Variants in PITX1 observed in about 807,000 individuals in gnomAD.
PITX1 encodes pituitary homeobox 1.
PITX1 carries 5 observed loss-of-function variants against 24.1 expected under a neutral mutation model. That is an observed-to-expected ratio of 0.21 (90% CI 0.11 to 0.44). The LOEUF (loss-of-function observed/expected upper bound fraction) is 0.44, where lower values mean the gene tolerates loss of function less well. Ranked by LOEUF, PITX1 falls within the 20% of genes least tolerant of loss-of-function variation. The pLI is 0.99. For missense variants in PITX1, 401 were observed against 455.4 expected (o/e 0.88, Z 1.09); for synonymous variants, 213 against 208.9 (o/e 1.02, Z -0.17).
At position 135,029,118 on chromosome 5, in the gene PITX1, G is replaced by C; in HGVS notation, c.606C>G (p.Phe202Leu). 6.2e-7 allele frequency: 1 copy of C among 1,614,248 alleles called. No homozygotes were observed. Among genetic ancestry groups the C allele is most frequent in the South Asian group, 1.1e-5 (1 of 91,092 alleles). The change falls in exon 3 of 3, where the codon TTC (phenylalanine) becomes TTG (leucine). Residue 202 changes from phenylalanine (F) to leucine (L), a missense_variant. Transcript: ENST00000265340. ...GCGACGACAGCGGGCTCATGGAGTT[G>C]AAGAAGGTGAAGCTCTTGGTGGAGA... The part of the protein sequence containing the change: ...APLSTKSFTF[F>L]NSMSPLSSQS...
At position 135,028,735 on chromosome 5, in the gene PITX1, C is replaced by A. The variant is rs1457960031; in HGVS notation, c.*44G>T. On this transcript the variant is annotated 3_prime_UTR_variant, in exon 3 of 3. Coordinates refer to ENST00000265340, the MANE Select transcript of PITX1 (RefSeq NM_002653.5). ...GCGTCCTCCGCGCCCGCGCCCGCGC[C>A]CTTCCCCGCTCCGGCCGCCGGCCCG... 7.1e-7 allele frequency: 1 copy of A among 1,406,264 alleles called. No individual in the cohort carries two copies. The highest frequency in any genetic ancestry group is 2.7e-5 in the East Asian group (1 of 36,470). The allele number at this position is 1,406,264 out of a possible 1,614,324, so 87.1% of individuals were successfully genotyped here. A position where few individuals can be genotyped will look rare whatever the true frequency, so the allele number is the denominator to read the frequency against.
Position 135,029,177 on chromosome 5 carries a change from T to C in PITX1, c.547A>G (p.Asn183Asp). ...DVYAAGYSYN[N>D]WAAKSLAPAP... ...GGCGCCAGGCTCTTGGCGGCCCAGT[T>C]GTTGTAGGAGTAGCCGGCGGCGTAC... Residue 183 changes from asparagine (N) to aspartate (D), a missense_variant, in exon 3 of 3, where the codon AAC (asparagine) becomes GAC (aspartate). Physicochemically the swap from Asn to Asp is conservative, Grantham distance 23 (BLOSUM62 1). Around this residue, in one of 3 missense-constraint regions of PITX1, gnomAD observed 217 missense variants for 219.8 expected, o/e 0.99. Coordinates refer to ENST00000265340, the MANE Select transcript of PITX1 (RefSeq NM_002653.5). 6.2e-7 allele frequency: 1 copy of C among 1,614,124 alleles called. No individual in the cohort carries two copies. The highest frequency in any genetic ancestry group is 8.5e-7 in the Non-Finnish European group (1 of 1,179,968).
In PITX1 at chr5:135,033,551, G is replaced by A; in HGVS notation, c.169+162C>T. 6.8e-6 allele frequency: 5 copies of A among 734,560 alleles called. No individual in the cohort carries two copies. The highest frequency in any genetic ancestry group is 2.2e-6 in the Non-Finnish European group (1 of 456,242). The allele number at this position is 734,560 out of a possible 1,614,324, so 45.5% of individuals were successfully genotyped here. A position where few individuals can be genotyped will look rare whatever the true frequency, so the allele number is the denominator to read the frequency against. On this transcript the variant is annotated intron_variant, in intron 1 of 2. Coordinates refer to ENST00000265340, the MANE Select transcript of PITX1 (RefSeq NM_002653.5). This position sits in a 1 kb window ranked among gnomAD's most constrained non-coding sequence, Gnocchi z 5.9. ...TGCCTTCGCGTGTGCGTAAGTTTCC[G>A]CGTTCACCGTCAGGTCGAGAACGGG...
chr5:135,031,541 G>A, intron 1 of PITX1, 33 bp from the exon 2 acceptor site: 1 of 1,556,872 alleles, frequency 6.4e-7, no homozygotes, highest in Non-Finnish European at 8.8e-7. Context: ...CGGGTCACCT[G>A]GGCTTACGCC....
At chr5:135,031,698 G>T (rs1046189851) in intron 1 of PITX1, 190 bp from the exon 2 acceptor site, 31 of 603,176 alleles carry the variant, frequency 5.1e-5, no homozygotes, top group Admixed American at 8.9e-5. Context: ...CTCTAGTCTG[G>T]TGTGCCGCGG....
chr5:135,028,517 T>C lies in PITX1; in HGVS notation c.*262A>G, dbSNP rs1400289084. On this transcript the variant is annotated 3_prime_UTR_variant, in exon 3 of 3. Coordinates refer to ENST00000265340, the MANE Select transcript of PITX1 (RefSeq NM_002653.5). ...CGAGAGAAATTGCAACTCATCCATT[T>C]TTTCGCGGCACTTTTCTCCGACGTC... is the stretch of plus-strand genomic sequence containing the variant. 1 of 163,740 alleles carries C rather than the reference T, an allele frequency of 6.1e-6. No individual in the cohort carries two copies. The highest frequency in any genetic ancestry group is 1.3e-5 in the Non-Finnish European group (1 of 76,226). The allele number at this position is 163,740 out of a possible 1,614,324, so 10.1% of individuals were successfully genotyped here.
chr5:135,032,751 GAAAAC>G, intron 1 of PITX1: 1 of 229,078 alleles, frequency 4.4e-6, no homozygotes, highest in Non-Finnish European at 9.0e-6. Context: ...TAAAACTTTT[GAAAAC>G]AAAAGTAGAG....
rs1191387256 is a variant in PITX1, at chr5:135,033,072, CG to C, written c.169+640del. ...GGAGGGAGACGCGCAGGAGCCGGGG[CG>C]GGGGCCAGAGCCGGGCTGCTCCGGG... On this transcript the variant is annotated intron_variant, in intron 1 of 2. Transcript: ENST00000265340. The surrounding 1 kb of genome is among the most constrained non-coding windows in gnomAD (Gnocchi z 5.9). 1.6e-5 allele frequency: 7 copies of C among 443,000 alleles called. No individual in the cohort carries two copies. The highest frequency in any genetic ancestry group is 2.7e-5 in the Non-Finnish European group (6 of 221,070). The allele number at this position is 443,000 out of a possible 1,614,324, so 27.4% of individuals were successfully genotyped here.
intron 1 of PITX1, among the ~76,000 whole-genome samples, chr5:135,032,574 G>C (rs1344714681): frequency 4.0e-5 from 6 of 151,644 alleles, no homozygotes; most frequent in Admixed American, 3.3e-4. Context: ...GAATAATGTT[G>C]CATGTAGATA....
rs1561470965 is a variant in PITX1 at position 135,029,430 on chromosome 5, G to A, written c.403-109C>T. Reference sequence around the variant, plus strand: ...GTCGGCCCGCTGCCCTCCGAACGTCGTTTCTCTCCTTCGACCGATATTTCC... The same window carrying A: ...GTCGGCCCGCTGCCCTCCGAACGTCATTTCTCTCCTTCGACCGATATTTCC... On this transcript the variant is annotated intron_variant, in intron 2 of 2. Transcript: ENST00000265340. 3.5e-6 allele frequency: 3 copies of A among 851,252 alleles called. No homozygotes were observed. The South Asian group carries it at 5.1e-5, about 14-fold the overall frequency. 52.7% of individuals were successfully genotyped at this position (851,252 alleles called of 1,614,324 possible).
In PITX1 at chr5:135,033,837, C is replaced by T. The variant is rs1173293322; in HGVS notation, c.45G>A (p.Glu15=). 2 of 1,516,754 alleles carry T rather than the reference C, an allele frequency of 1.3e-6. No homozygotes were observed. The highest frequency in any genetic ancestry group is 1.8e-6 in the Non-Finnish European group (2 of 1,141,238). The allele number at this position is 1,516,754 out of a possible 1,614,324, so 94.0% of individuals were successfully genotyped here. The change falls in exon 1 of 3, where the codon GAG becomes GAA. Residue 15 remains glutamate, a synonymous_variant. Transcript: ENST00000265340. The surrounding 1 kb of genome is among the most constrained non-coding windows in gnomAD (Gnocchi z 5.9). ...KGGMSLERLP[E]GLRPPPPPPH... is the part of the protein sequence containing the mutation. ...GTGGCGGCGGCGGCGGCCGGAGCCCCTCCGGCAGCCGCTCCAGGCTCATGC... is the reference window on the plus strand; with the variant it reads ...GTGGCGGCGGCGGCGGCCGGAGCCCTTCCGGCAGCCGCTCCAGGCTCATGC...
In PITX1 at chr5:135,029,321, C is replaced by A; in HGVS notation, c.403G>T (p.Val135Phe). The A allele has an allele frequency of 6.3e-7, 1 of 1,588,778 alleles. No individual in the cohort carries two copies. Among genetic ancestry groups the A allele is most frequent in the Non-Finnish European group, 8.6e-7 (1 of 1,166,660 alleles). The change falls in exon 3 of 3, where the codon GTC (valine) becomes TTC (phenylalanine). Residue 135 changes from valine (V) to phenylalanine (F), a missense_variant and splice_region_variant. By Grantham distance (50) the Val-to-Phe change is conservative. Coordinates refer to ENST00000265340, the MANE Select transcript of PITX1 (RefSeq NM_002653.5). ...TTGGCTCGCCGGTTCTTGAACCAGA[C>A]CTGGGGGAGGGGACGGGAGAAGGGT... ...WTNLTEPRVR[V>F]WFKNRRAKWR...
In PITX1 at chr5:135,029,317, C is replaced by A; in HGVS notation, c.407G>T (p.Trp136Leu). 6.3e-7 allele frequency: 1 copy of A among 1,592,358 alleles called. No homozygotes were observed. ...CCACTTGGCTCGCCGGTTCTTGAAC[C>A]AGACCTGGGGGAGGGGACGGGAGAA... ...TNLTEPRVRVWFKNRRAKWRK... is the reference protein window; with the variant it reads ...TNLTEPRVRVLFKNRRAKWRK... Residue 136 changes from tryptophan to leucine, a missense_variant, in exon 3 of 3, where the codon TGG becomes TTG. By Grantham distance (61) the Trp-to-Leu change is moderately conservative. This residue lies in a region of PITX1 where 48 missense variants were observed against 102.2 expected (regional missense o/e 0.47). Transcript: ENST00000265340.
rs1329323528 is a variant in PITX1 at position 135,027,933 on chromosome 5, A to C, written c.*846T>G. The C allele has an allele frequency of 6.6e-6, 1 of 152,488 alleles. No homozygotes were observed. Among genetic ancestry groups the C allele is most frequent in the Non-Finnish European group, 1.5e-5 (1 of 68,042 alleles). The allele number at this position is 152,488 out of a possible 1,614,324, so 9.4% of individuals were successfully genotyped here. On this transcript the variant is annotated 3_prime_UTR_variant, in exon 3 of 3. Transcript: ENST00000265340. ...CTCGACTCTTGCACGGCGGGCGGTG[A>C]GGAGGGGGCTGTTCGCCCAGACAGA...
At position 135,029,100 on chromosome 5, in the gene PITX1, C is replaced by A; in HGVS notation, c.624G>T (p.Leu208=). ...SFTFFNSMSP[L]SSQSMFSAPS... The stretch of plus-strand genomic sequence containing the variant: ...GTGCTGAGAACATGGACTGCGACGA[C>A]AGCGGGCTCATGGAGTTGAAGAAGG... The change falls in exon 3 of 3, where the codon CTG becomes CTT. Residue 208 remains leucine (L), a synonymous_variant. Transcript: ENST00000265340. The A allele has an allele frequency of 6.2e-7, 1 of 1,614,256 alleles. No homozygotes were observed. Among genetic ancestry groups the A allele is most frequent in the Non-Finnish European group, 8.5e-7 (1 of 1,180,046 alleles).
intron 1 of PITX1, 55 bp from the exon 2 acceptor site, chr5:135,031,563 C>G: frequency 7.0e-7 from 1 of 1,434,856 alleles, no homozygotes; most frequent in South Asian, 1.2e-5. Context: ...CGTTGCACCC[C>G]GTCCCGGCTC....
intron 2 of PITX1, 31 bp downstream of exon 2, chr5:135,031,245 G>T (rs1438583645): frequency 1.3e-6 from 2 of 1,581,996 alleles, no homozygotes; most frequent in Non-Finnish European, 8.7e-7. Flanking sequence ...CCCTCTGCGC[G>T]GGTGCCCTTA....
Position 135,028,841 on chromosome 5 carries a change from A to G in PITX1, c.883T>C (p.Phe295Leu), listed in dbSNP as rs765166800. 1.2e-6 allele frequency: 2 copies of G among 1,613,336 alleles called. No individual in the cohort carries two copies. Among genetic ancestry groups the G allele is most frequent in the African/African-American group, 1.3e-5 (1 of 74,892 alleles). Residue 295 changes from phenylalanine (F) to leucine (L), a missense_variant, in exon 3 of 3, where the codon TTT becomes CTT. Physicochemically the swap from Phe to Leu is conservative, Grantham distance 22. Around this residue, in one of 3 missense-constraint regions of PITX1, gnomAD observed 217 missense variants for 219.8 expected, o/e 0.99. Coordinates refer to ENST00000265340, the MANE Select transcript of PITX1 (RefSeq NM_002653.5). Reference sequence around the variant, plus strand: ...GGGCCCTGCAGGCCGCCGTAGCCAAACGACGAGTGCTGTTTGGACTTGAGC... The same window carrying G: ...GGGCCCTGCAGGCCGCCGTAGCCAAGCGACGAGTGCTGTTTGGACTTGAGC... ...LRLKSKQHSS[F>L]GYGGLQGPAS...
chr5:135,033,053 A>G lies in PITX1; in HGVS notation c.169+660T>C. On this transcript the variant is annotated intron_variant, in intron 1 of 2. Coordinates refer to ENST00000265340, the MANE Select transcript of PITX1 (RefSeq NM_002653.5). This position sits in a 1 kb window ranked among gnomAD's most constrained non-coding sequence, Gnocchi z 5.9. Reference sequence around the variant, plus strand: ...GGACAAAAAAAGGCAGCGCGGAGGGAGACGCGCAGGAGCCGGGGCGGGGGC... The same window carrying G: ...GGACAAAAAAAGGCAGCGCGGAGGGGGACGCGCAGGAGCCGGGGCGGGGGC... The G allele has an allele frequency of 2.2e-6, 1 of 445,992 alleles. No homozygotes were observed. Among genetic ancestry groups the G allele is most frequent in the Non-Finnish European group, 4.5e-6 (1 of 222,292 alleles). 27.6% of individuals were successfully genotyped at this position (445,992 alleles called of 1,614,324 possible).
Sources: gnomAD v4.1 joint callset for allele counts (sites outside exome capture counted in the v4.1 genomes callset) on GRCh38, gnomAD v4.1.1 for gene constraint, gnomAD v4.1.1 regional missense constraint, Gnocchi (gnomAD v3.1) non-coding constraint, MANE v1.5 for transcripts, NCBI Gene and HGNC (gene_info 2026-07-23, HGNC 2026-07-21) for gene names.